CEP250: variants seen among roughly 807,000 people sequenced by gnomAD.
The protein encoded by CEP250 is centrosomal protein 250, also known as centrosome-associated protein CEP250.
CEP250 carries 242 observed loss-of-function variants against 315.7 expected under a neutral mutation model. That is an observed-to-expected ratio of 0.77 (90% CI 0.69 to 0.85). The LOEUF (loss-of-function observed/expected upper bound fraction) is 0.85, where lower values mean the gene tolerates loss of function less well. Ranked by LOEUF, CEP250 falls within the 40% of genes least tolerant of loss-of-function variation. The pLI is 0.00. For synonymous variants in CEP250, 1,088 were observed against 1,175.0 expected, an observed-to-expected ratio of 0.93 and a Z score of 1.51; for missense variants, 2,515 against 2,886.4, an observed-to-expected ratio of 0.87 and a Z score of 2.95.
chr20:35,493,906 G>A (rs1226677520), intron 23 of CEP250, among the ~76,000 whole-genome samples: 1 of 152,138 alleles, frequency 6.6e-6, no homozygotes, highest in Admixed American at 6.5e-5. Flanking sequence ...ATCAAATGAT[G>A]TTCTGACTTT....
intron 22 of CEP250, among the ~76,000 whole-genome samples, chr20:35,491,625 G>A (rs1031797645): frequency 9.9e-5 from 15 of 152,006 alleles, no homozygotes; most frequent in Admixed American, 4.6e-4. Context: ...AAAATTAGCC[G>A]GGCATGGTGG....
Position 35,505,791 on chromosome 20 carries a change from G to A in CEP250, c.6636+786G>A, listed in dbSNP as rs146360633. On this transcript the variant is annotated intron_variant, in intron 30 of 34. Coordinates refer to ENST00000397527, the MANE Select transcript of CEP250 (RefSeq NM_007186.6). ...CTGTGTAGATGGTTCAGGTTGCATG[G>A]GACAGAGGGAGGATTTGGGAAGAGA... Among the ~76,000 whole-genome samples, 508 of 151,698 alleles carry A rather than the reference G, an allele frequency of 3.3e-3. 3 individuals carry two copies. The highest frequency in any genetic ancestry group is 0.012 in the African/African-American group (495 of 41,302).
At chr20:35,506,921 G>A (rs936608504) in intron 30 of CEP250, among the ~76,000 whole-genome samples, 6 of 152,090 alleles carry the variant, frequency 3.9e-5, no homozygotes, top group Admixed American at 3.3e-4. Context: ...GGGCAGGAGG[G>A]CACTTCCCAC....
At position 35,503,739 on chromosome 20, in the gene CEP250, C is replaced by G. The variant is rs2064092711; in HGVS notation, c.5370C>G (p.Ala1790=). The G allele has an allele frequency of 6.2e-7, 1 of 1,613,936 alleles. No homozygotes were observed. ...IVVLQQQLQE[A]REQGELKEQS... is the part of the protein sequence containing the mutation. Reference sequence around the variant, plus strand: ...TCCTGCAGCAGCAACTGCAGGAAGCCAGGGAACAAGGGGAGCTGAAGGAGC... The same window carrying G: ...TCCTGCAGCAGCAACTGCAGGAAGCGAGGGAACAAGGGGAGCTGAAGGAGC... The change falls in exon 30 of 35, where the codon GCC becomes GCG. Residue 1790 remains alanine (A), a synonymous_variant. Transcript: ENST00000397527. This position sits in a 1 kb window ranked among gnomAD's most constrained non-coding sequence, Gnocchi z 4.2.
chr20:35,502,864 C>T lies in CEP250; in HGVS notation c.4495C>T (p.Arg1499Ter), dbSNP rs373164723. 11 of 1,614,046 alleles carry T rather than the reference C, an allele frequency of 6.8e-6. No homozygotes were observed. Among genetic ancestry groups the T allele is most frequent in the East Asian group, 2.2e-5 (1 of 44,896 alleles). Reference sequence around the variant, plus strand: ...GCATCTGCCCATGGCCGTCCAGGAGCGAGAGCAGAAGCTGACTGTGCAGAG... The same window carrying T: ...GCATCTGCCCATGGCCGTCCAGGAGTGAGAGCAGAAGCTGACTGTGCAGAG... ...LEHLPMAVQE[R>*]EQKLTVQREQ... Residue 1499 changes from arginine to a stop codon, truncating the protein, a stop_gained, in exon 30 of 35, where the codon CGA becomes TGA. Transcript: ENST00000397527. LOFTEE classifies it high-confidence loss of function.
At position 35,463,618 on chromosome 20, in the gene CEP250, T is replaced by C. The variant is rs769316690; in HGVS notation, c.230T>C (p.Leu77Pro). Residue 77 changes from leucine (L) to proline (P), a missense_variant, in exon 5 of 35, where the codon CTA becomes CCA. Physicochemically the swap from Leu to Pro is moderately conservative, Grantham distance 98. Coordinates refer to ENST00000397527, the MANE Select transcript of CEP250 (RefSeq NM_007186.6). ...TGGTGCCAAGAGCTGGAGAAGCGGCTAGAAGCCACTGGAGTGAGTGAGGCT... is the reference window on the plus strand; with the variant it reads ...TGGTGCCAAGAGCTGGAGAAGCGGCCAGAAGCCACTGGAGTGAGTGAGGCT... ...RSWCQELEKR[L>P]EATGGPIPQR... 2 of 1,609,306 alleles carry C rather than the reference T, an allele frequency of 1.2e-6. No homozygotes were observed. Among genetic ancestry groups the C allele is most frequent in the South Asian group, 2.2e-5 (2 of 90,434 alleles).
intron 3 of CEP250, 65 bp from the exon 4 acceptor site, chr20:35,462,200 C>G (rs1159353367): frequency 1.8e-6 from 1 of 555,486 alleles, no homozygotes; most frequent in African/African-American, 1.9e-5. Flanking sequence ...TTTAAAGGTT[C>G]TGAGGAGTCT....
At chr20:35,460,516 C>T (rs2062730904) in intron 3 of CEP250, among the ~76,000 whole-genome samples, 1 of 152,182 alleles carries the variant, frequency 6.6e-6, no homozygotes, top group Non-Finnish European at 1.5e-5. Context: ...TACAACTGTG[C>T]AGAGCACACG....
At chr20:35,463,760 T>G in intron 5 of CEP250, 129 bp downstream of exon 5, 18 of 596,824 alleles carry the variant, frequency 3.0e-5, no homozygotes, top group Non-Finnish European at 4.6e-5. Flanking sequence ...TTTCTCAGCC[T>G]CTGAGAGGTT....
At position 35,496,723 on chromosome 20, in the gene CEP250, C is replaced by T. The variant is rs370100138; in HGVS notation, c.3306+8C>T. 4 of 1,611,116 alleles carry T rather than the reference C, an allele frequency of 2.5e-6. No homozygotes were observed. The highest frequency in any genetic ancestry group is 1.7e-5 in the Admixed American group (1 of 59,352). ...AAAGAGCTCAGTGCTCAGGTACTTC[C>T]CACTCTGGTTATGAGCTCTGCATCC... On this transcript the variant is annotated splice_region_variant and intron_variant, in intron 25 of 34. Coordinates refer to ENST00000397527, the MANE Select transcript of CEP250 (RefSeq NM_007186.6).
In CEP250 at chr20:35,463,627, C is replaced by A. The variant is rs772612681; in HGVS notation, c.239C>A (p.Thr80Asn). 1 of 1,608,422 alleles carries A rather than the reference C, an allele frequency of 6.2e-7. No homozygotes were observed. The highest frequency in any genetic ancestry group is 1.1e-5 in the South Asian group (1 of 90,322). Residue 80 changes from threonine to asparagine, a missense_variant, in exon 5 of 35, where the codon ACT becomes AAT. Transcript: ENST00000397527. ...CQELEKRLEATGGPIPQRWEN... is the reference protein window; with the variant it reads ...CQELEKRLEANGGPIPQRWEN... ...GAGCTGGAGAAGCGGCTAGAAGCCA[C>A]TGGAGTGAGTGAGGCTGAGCTCTCT...
chr20:35,456,728 T>A (rs1048101452), intron 1 of CEP250, among the ~76,000 whole-genome samples: 1 of 152,072 alleles, frequency 6.6e-6, no homozygotes, highest in African/African-American at 2.4e-5. Flanking sequence ...TGGAATCAGA[T>A]TGGGGTTCAG....
At chr20:35,459,478 G>A (rs1291964193) in intron 2 of CEP250, among the ~76,000 whole-genome samples, 3 of 152,034 alleles carry the variant, frequency 2.0e-5, no homozygotes, top group East Asian at 3.9e-4. Context: ...TGCCATTTTT[G>A]TAGATAAAAA....
At chr20:35,464,996 T>G (rs1054532025) in intron 5 of CEP250, among the ~76,000 whole-genome samples, 1 of 152,204 alleles carries the variant, frequency 6.6e-6, no homozygotes, top group Non-Finnish European at 1.5e-5. Context: ...GATGGATTTA[T>G]GGGATGAAAT....
chr20:35,504,686 A>T lies in CEP250; in HGVS notation c.6317A>T (p.Lys2106Met). ...VRELQLTLAQ[K>M]EQEILELRET... Reference sequence around the variant, plus strand: ...GAGCTACAGCTGACTCTAGCCCAAAAGGAACAGGAGATTCTGGAGCTGAGG... The same window carrying T: ...GAGCTACAGCTGACTCTAGCCCAAATGGAACAGGAGATTCTGGAGCTGAGG... Residue 2106 changes from lysine (K) to methionine (M), a missense_variant, in exon 30 of 35, where the codon AAG becomes ATG. By Grantham distance (95) the Lys-to-Met change is moderately conservative (BLOSUM62 -1). Transcript: ENST00000397527. 1 of 1,614,206 alleles carries T rather than the reference A, an allele frequency of 6.2e-7. No individual in the cohort carries two copies. Among genetic ancestry groups the T allele is most frequent in the Non-Finnish European group, 8.5e-7 (1 of 1,180,026 alleles).
At chr20:35,467,704 G>A in intron 9 of CEP250, 149 bp downstream of exon 9, 1 of 895,854 alleles carries the variant, frequency 1.1e-6, no homozygotes, top group South Asian at 1.7e-5. Flanking sequence ...GAAACCTGAT[G>A]CCACAGTTGG....
At chr20:35,509,914 T>A in intron 33 of CEP250, 84 bp from the exon 34 acceptor site, 2 of 1,243,580 alleles carry the variant, frequency 1.6e-6, no homozygotes, top group Non-Finnish European at 2.4e-6. Flanking sequence ...CCCCTAAGAT[T>A]GTGATGAGGT....
rs6060429 is a variant in CEP250, at chr20:35,466,914, G to A, written c.493-52G>A. 671 of 1,183,250 alleles carry A rather than the reference G, an allele frequency of 5.7e-4. 6 individuals carry two copies. The African/African-American group carries it at 9.1e-3, about 16-fold the overall frequency. The allele number at this position is 1,183,250 out of a possible 1,614,324, so 73.3% of individuals were successfully genotyped here. On this transcript the variant is annotated intron_variant, in intron 7 of 34. Transcript: ENST00000397527. ...GGAGGAATCCAAGACTCTTGTGTTG[G>A]CAAAAGATAGCCCTCTGCCTTTGGG... is the stretch of plus-strand genomic sequence containing the variant.
chr20:35,498,364 G>A (rs6088867), intron 26 of CEP250, among the ~76,000 whole-genome samples: 2 of 152,264 alleles, frequency 1.3e-5, no homozygotes, highest in East Asian at 1.9e-4. Flanking sequence ...TCACTTACAC[G>A]GTTCCTGGCA....
Sources: allele counts gnomAD v4.1 joint callset (sites outside exome capture counted in the v4.1 genomes callset), GRCh38; gene constraint gnomAD v4.1.1; non-coding constraint Gnocchi (gnomAD v3.1); transcripts MANE v1.5; gene names NCBI Gene and HGNC (gene_info 2026-07-23, HGNC 2026-07-21).